Variants in LRRC71 observed in about 807,000 individuals in gnomAD.
LRRC71 encodes leucine rich repeat containing 71, also known as leucine-rich repeat-containing protein 71.
A neutral mutation model predicts 66.6 loss-of-function variants in LRRC71; 54 were observed. That is an observed-to-expected ratio of 0.81 (90% CI 0.65 to 1.02). LRRC71 has a LOEUF of 1.02. LRRC71 is among the 50% of genes least tolerant of loss of function. The pLI, the probability that LRRC71 is intolerant of heterozygous loss-of-function variation, is 0.00. For missense variants in LRRC71, 724 were observed against 718.0 expected (o/e 1.01, Z -0.10); for synonymous variants, 323 against 303.9 (o/e 1.06, Z -0.65).
chr1:156,933,166 G>C, downstream of LRRC71: 1 of 519,260 alleles, frequency 1.9e-6, no homozygotes, highest in Non-Finnish European at 3.4e-6. Context: ...TTACATGCCA[G>C]GAATGGCAGA....
chr1:156,929,113 C>A lies in LRRC71; in HGVS notation c.997-167C>A, dbSNP rs192855691. ...GCTATTTCTTCCCGAAAGCATCTCA[C>A]CCCAGAGGAGTCCTATACAAATTAT... On this transcript the variant is annotated intron_variant, in intron 9 of 14. Coordinates refer to ENST00000337428, the MANE Select transcript of LRRC71 (RefSeq NM_144702.3). 3.3e-4 allele frequency among the ~76,000 whole-genome samples: 51 copies of A among 152,276 alleles called. No individual in the cohort carries two copies. In the East Asian group the frequency reaches 9.1e-3, roughly 27 times the overall value.
downstream of LRRC71, chr1:156,936,948 C>T (rs1242960387): frequency 6.2e-7 from 1 of 1,614,096 alleles, no homozygotes; most frequent in Non-Finnish European, 8.5e-7. Flanking sequence ...GGCGTGGTGC[C>T]ACCAGATGAC....
intron 11 of LRRC71, among the ~76,000 whole-genome samples, chr1:156,929,963 CCT>C (rs1267372876): frequency 2.0e-5 from 3 of 152,212 alleles, no homozygotes; most frequent in African/African-American, 7.2e-5. Flanking sequence ...GCTCTGTGGC[CCT>C]GTCTTCAAAG....
chr1:156,930,972 T>C (rs1015706926), intron 12 of LRRC71, among the ~76,000 whole-genome samples: 2 of 152,232 alleles, frequency 1.3e-5, no homozygotes, highest in African/African-American at 2.4e-5. Flanking sequence ...GCTTGGACTG[T>C]TGCATAGGAA....
At chr1:156,938,303 CAGCTGAGGG>C in the LRRC71 span, 1 of 914,694 alleles carries the variant, frequency 1.1e-6, no homozygotes, top group Non-Finnish European at 1.6e-6. Context: ...CCATTCCAGG[CAGCTGAGGG>C]AGCTTGTGGG....
At chr1:156,939,337 A>T in the LRRC71 span, 1 of 640,728 alleles carries the variant, frequency 1.6e-6, no homozygotes. Context: ...AGCCACACAG[A>T]TATTAAGTGG....
At position 156,924,564 on chromosome 1, in the gene LRRC71, T is replaced by TACCCC; in HGVS notation, c.439+12_439+13insACCCC. ...AATCTACATCCGCGGTGAGCCCCGC[T>TACCCC]CCCCCCACCCGCCCCAGCTCCCTCC... On this transcript the variant is annotated intron_variant, in intron 3 of 14. Transcript: ENST00000337428. 1 of 1,531,812 alleles carries TACCCC rather than the reference T, an allele frequency of 6.5e-7. No homozygotes were observed. The highest frequency in any genetic ancestry group is 8.8e-7 in the Non-Finnish European group (1 of 1,131,926). The allele number at this position is 1,531,812 out of a possible 1,614,324, so 94.9% of individuals were successfully genotyped here.
At chr1:156,936,497 A>AAAAAAAAATAAAAAAAAAAATAT (rs370282821), downstream of LRRC71, among the ~76,000 whole-genome samples, 3 of 33,916 alleles carry the variant, frequency 8.8e-5, no homozygotes, top group African/African-American at 4.6e-4. Flanking sequence ...AAAAAAAAAA[A>AAAAAAAAATAAAAAAAAAAATAT]ATATATATAT....
chr1:156,927,019 C>T (rs1653303221), intron 5 of LRRC71, among the ~76,000 whole-genome samples, 183 bp from the exon 6 acceptor site: 1 of 152,214 alleles, frequency 6.6e-6, no homozygotes, highest in African/African-American at 2.4e-5. Context: ...GCAGTCCCTT[C>T]ACAATGGGCA....
chr1:156,936,043 A>AG (rs1443544598), downstream of LRRC71: 4 of 1,613,802 alleles, frequency 2.5e-6, no homozygotes, highest in Non-Finnish European at 3.4e-6. Context: ...GCTGTCTTCC[A>AG]GGGGGGCGTC....
At position 156,927,461 on chromosome 1, in the gene LRRC71, T is replaced by C. The variant is rs1571047886; in HGVS notation, c.663-35T>C. Reference sequence around the variant, plus strand: ...ATTCCGGCGGACGCCCTGTACCTTTTCCAGCGACCCACATTCTCCCTCCGG... The same window carrying C: ...ATTCCGGCGGACGCCCTGTACCTTTCCCAGCGACCCACATTCTCCCTCCGG... On this transcript the variant is annotated intron_variant, in intron 6 of 14. Coordinates refer to ENST00000337428, the MANE Select transcript of LRRC71 (RefSeq NM_144702.3). 2.0e-6 allele frequency: 3 copies of C among 1,520,984 alleles called. No homozygotes were observed. The African/African-American group carries it at 4.2e-5, about 21-fold the overall frequency. The allele number at this position is 1,520,984 out of a possible 1,614,324, so 94.2% of individuals were successfully genotyped here.
At chr1:156,931,191 T>C (rs1040443502) in intron 12 of LRRC71, among the ~76,000 whole-genome samples, 3 of 152,166 alleles carry the variant, frequency 2.0e-5, no homozygotes, top group African/African-American at 7.2e-5. Context: ...AGTGCTCTTA[T>C]GGTCCCTCAT....
At chr1:156,936,914 G>T (rs377284095), downstream of LRRC71, 1 of 1,614,118 alleles carries the variant, frequency 6.2e-7, no homozygotes, top group Non-Finnish European at 8.5e-7. Context: ...CCATCTAGCT[G>T]CTTCTGTGTG....
chr1:156,938,214 G>A, the LRRC71 span, among the ~76,000 whole-genome samples: 1 of 152,200 alleles, frequency 6.6e-6, no homozygotes, highest in African/African-American at 2.4e-5. Context: ...AGCCTGGACA[G>A]GTGGCTTCTT....
chr1:156,921,762 C>CACACACACAG (rs1491589129), intron 1 of LRRC71: 16 of 456,900 alleles, frequency 3.5e-5, no homozygotes, highest in African/African-American at 3.4e-4. Context: ...CACACACACA[C>CACACACACAG]AGACATGGCT....
At chr1:156,930,647 G>A (rs1440129895) in intron 12 of LRRC71, 30 bp downstream of exon 12, 8 of 1,541,644 alleles carry the variant, frequency 5.2e-6, no homozygotes, top group Non-Finnish European at 6.2e-6. Flanking sequence ...GGAGGCAGGG[G>A]GCACACCCCT....
chr1:156,939,617 G>A, the LRRC71 span: 7 of 1,613,644 alleles, frequency 4.3e-6, no homozygotes, highest in South Asian at 4.4e-5. Context: ...TTCCTGTCCA[G>A]TTCTGGAGAC....
Position 156,932,839 on chromosome 1 carries a change from CCTTTT to C in LRRC71, c.1564-7_1564-3del, listed in dbSNP as rs760886575. The C allele has an allele frequency of 3.9e-6, 6 of 1,556,942 alleles. No homozygotes were observed. Among genetic ancestry groups the C allele is most frequent in the South Asian group, 2.3e-5 (2 of 88,360 alleles). On this transcript the variant is annotated splice_polypyrimidine_tract_variant and intron_variant, in intron 14 of 14. Transcript: ENST00000337428. ...ATTCCTCTTGTCAGATGTCAGCCTT[CCTTTT>C]CTTTTCAGAAAAATTGCTTCGCCCC...
chr1:156,921,764 G>A (rs368558623), intron 1 of LRRC71: 1 of 361,816 alleles, frequency 2.8e-6, no homozygotes, highest in Non-Finnish European at 3.6e-6. Flanking sequence ...CACACACACA[G>A]ACATGGCTGC....
Sources: gnomAD v4.1 joint callset for allele counts (sites outside exome capture counted in the v4.1 genomes callset) on GRCh38, gnomAD v4.1.1 for gene constraint, MANE v1.5 for transcripts, NCBI Gene and HGNC (gene_info 2026-07-23, HGNC 2026-07-21) for gene names.